The following TRPM3 variants were observed in gnomAD, a reference collection of about 807,000 sequenced individuals.
The protein encoded by TRPM3 is long transient receptor potential channel 3.
A neutral mutation model predicts 181.2 loss-of-function variants in TRPM3; 77 were observed. That is an observed-to-expected ratio of 0.42 (90% CI 0.35 to 0.51). TRPM3 has a LOEUF of 0.51. TRPM3 is among the 20% of genes least tolerant of loss of function. The probability of loss-of-function intolerance (pLI) is 0.01; values close to 1 mark genes in which losing one functional copy is unlikely to be tolerated. For missense variants in TRPM3, 1,759 were observed against 2,196.7 expected, an observed-to-expected ratio of 0.80 and a Z score of 3.98; for synonymous variants, 745 against 796.4, an observed-to-expected ratio of 0.94 and a Z score of 1.09.
intron 1 of TRPM3, among the ~76,000 whole-genome samples, chr9:71,150,931 T>C (rs990486590): frequency 3.3e-5 from 5 of 152,112 alleles, no homozygotes; most frequent in African/African-American, 1.2e-4. Flanking sequence ...AATCCAGATA[T>C]ATATAGGAGT....
chr9:70,920,980 G>A (rs926534572), intron 1 of TRPM3, among the ~76,000 whole-genome samples: 2 of 152,088 alleles, frequency 1.3e-5, no homozygotes, highest in African/African-American at 4.8e-5. Flanking sequence ...ATTTTCCTTT[G>A]GTGTCTATAT....
intron 1 of TRPM3, among the ~76,000 whole-genome samples, chr9:71,178,721 G>A (rs2134879760): frequency 6.6e-6 from 1 of 152,172 alleles, no homozygotes; most frequent in Admixed American, 6.5e-5. Context: ...AGAGAAAATA[G>A]CAATTTTGTG....
At chr9:71,364,160 C>A (rs191558857) in intron 1 of TRPM3, among the ~76,000 whole-genome samples, 1 of 149,432 alleles carries the variant, frequency 6.7e-6, no homozygotes, top group African/African-American at 2.5e-5. Context: ...GCAGAGCATA[C>A]GAAAACAAGA....
chr9:70,802,761 A>T (rs1258120426), intron 6 of TRPM3, among the ~76,000 whole-genome samples: 1 of 152,022 alleles, frequency 6.6e-6, no homozygotes, highest in East Asian at 1.9e-4. Flanking sequence ...CTACGATTCG[A>T]CCCTATTTTA....
chr9:70,865,509 T>C (rs980678334), intron 1 of TRPM3: 1 of 152,102 alleles, frequency 6.6e-6, no homozygotes, highest in African/African-American at 2.4e-5. Context: ...TACTCTTATA[T>C]ACAGGGCTAA....
At chr9:71,323,173 C>T (rs1013310646) in intron 1 of TRPM3, among the ~76,000 whole-genome samples, 4 of 151,836 alleles carry the variant, frequency 2.6e-5, no homozygotes, top group African/African-American at 7.3e-5. Flanking sequence ...AGTCTCTGTT[C>T]AGTCTTCAGA....
intron 1 of TRPM3, among the ~76,000 whole-genome samples, chr9:71,057,732 T>C (rs2060828184): frequency 6.6e-6 from 1 of 152,042 alleles, no homozygotes; most frequent in African/African-American, 2.4e-5. Flanking sequence ...CATTTTCCCA[T>C]TGGTCATGTA....
chr9:70,537,543 T>C (rs2131592486), intron 25 of TRPM3, 138 bp from the exon 26 acceptor site: 1 of 626,158 alleles, frequency 1.6e-6, no homozygotes, highest in Middle Eastern at 4.9e-4. Context: ...TTGAGAGGGG[T>C]TGGGGAGGAG....
At chr9:71,351,794 AT>A (rs1307833121) in intron 1 of TRPM3, among the ~76,000 whole-genome samples, 1 of 152,128 alleles carries the variant, frequency 6.6e-6, no homozygotes. Context: ...AAGTCCAACA[AT>A]AAAGGTTATG....
rs180891921 is a variant in TRPM3, at chr9:70,978,244, G to A, written c.178-113733C>T. 5.1e-4 allele frequency among the ~76,000 whole-genome samples: 78 copies of A among 152,334 alleles called. 1 individual carries two copies. The highest frequency in any genetic ancestry group is 4.6e-3 in the South Asian group (22 of 4,824). ...ACATCTAGCCACTGCTAGCTGTAGC[G>A]CAGCTATGACTAACCTGCATATACA... On this transcript the variant is annotated intron_variant, in intron 1 of 25. Transcript: ENST00000677713.
intron 1 of TRPM3, among the ~76,000 whole-genome samples, chr9:71,325,201 CA>C (rs1335434136): frequency 6.6e-6 from 1 of 151,996 alleles, no homozygotes; most frequent in East Asian, 1.9e-4. Context: ...GCAACCAAAA[CA>C]AAAACAAACA....
intron 22 of TRPM3, among the ~76,000 whole-genome samples, chr9:70,572,321 G>C (rs2052657626): frequency 6.6e-6 from 1 of 152,134 alleles, no homozygotes; most frequent in African/African-American, 2.4e-5. Context: ...TCTTTACCCA[G>C]TCTCCGTTAA....
At chr9:71,095,237 A>G (rs1295504913) in intron 1 of TRPM3, among the ~76,000 whole-genome samples, 1 of 152,202 alleles carries the variant, frequency 6.6e-6, no homozygotes, top group Non-Finnish European at 1.5e-5. Flanking sequence ...GTTTTTACTA[A>G]CAAAATATTT....
Position 70,827,991 on chromosome 9 carries a change from TGG to T in TRPM3, c.827_828del (p.Ser276Ter). The T allele has an allele frequency of 6.2e-7, 1 of 1,613,944 alleles. No homozygotes were observed. Among genetic ancestry groups the T allele is most frequent in the Non-Finnish European group, 8.5e-7 (1 of 1,179,892 alleles). Reference sequence around the variant, plus strand: ...AGAACAGTGAGCTTGCTCATGGGATTGGACATGGTCTGGTATGGCCGGACAAC... The same window carrying T: ...AGAACAGTGAGCTTGCTCATGGGATTACATGGTCTGGTATGGCCGGACAAC... ...RDVVRPYQTM[S>X]NPMSKLTVLN... On this transcript the variant is annotated frameshift_variant, in exon 6 of 26. Coordinates refer to ENST00000677713, the MANE Select transcript of TRPM3 (RefSeq NM_001366145.2). LOFTEE classifies it high-confidence loss of function.
chr9:71,103,075 A>T (rs919697014), intron 1 of TRPM3, among the ~76,000 whole-genome samples: 2 of 152,188 alleles, frequency 1.3e-5, no homozygotes, highest in Non-Finnish European at 2.9e-5. Flanking sequence ...AGTAAAAACC[A>T]CTATCTCAAA....
chr9:71,196,113 C>A (rs928496297), intron 1 of TRPM3, among the ~76,000 whole-genome samples: 1 of 151,548 alleles, frequency 6.6e-6, no homozygotes, highest in African/African-American at 2.4e-5. Flanking sequence ...TACTCCTGAA[C>A]CCAAAAGTTA....
intron 7 of TRPM3, among the ~76,000 whole-genome samples, chr9:70,764,919 A>G (rs374839227): frequency 3.0e-4 from 45 of 152,310 alleles, no homozygotes; most frequent in African/African-American, 1.0e-3. Context: ...ATTAGGTCTC[A>G]TGCCTTTGGC....
At chr9:71,248,651 C>G (rs1483739626) in intron 1 of TRPM3, among the ~76,000 whole-genome samples, 1 of 152,150 alleles carries the variant, frequency 6.6e-6, no homozygotes, top group Admixed American at 6.5e-5. Flanking sequence ...ATAAAGTCCC[C>G]TTTTCCAGCT....
intron 1 of TRPM3, among the ~76,000 whole-genome samples, chr9:70,924,937 G>A (rs1029999620): frequency 1.3e-5 from 2 of 152,138 alleles, no homozygotes; most frequent in African/African-American, 4.8e-5. Flanking sequence ...AGAAGGAGAA[G>A]ATGATGATCG....
Sources: allele counts gnomAD v4.1 joint callset (sites outside exome capture counted in the v4.1 genomes callset), GRCh38; gene constraint gnomAD v4.1.1; transcripts MANE v1.5; gene names NCBI Gene and HGNC (gene_info 2026-07-23, HGNC 2026-07-21).